The following ECT2L variants were observed in gnomAD, a reference collection of about 807,000 sequenced individuals.
ECT2L encodes epithelial cell-transforming sequence 2 oncogene-like.
ECT2L carries 126 observed loss-of-function variants against 122.8 expected under a neutral mutation model. The ratio of observed to expected loss-of-function variants is 1.03; its 90% CI spans 0.89 to 1.19. The LOEUF (loss-of-function observed/expected upper bound fraction) is 1.19. Ranked by LOEUF, ECT2L falls within the 50% of genes most tolerant of loss-of-function variation. The pLI, the probability that ECT2L is intolerant of heterozygous loss-of-function variation, is 0.00. For synonymous variants in ECT2L, 385 were observed against 381.8 expected (o/e 1.01, Z -0.10); for missense variants, 1,012 against 1,064.1 (o/e 0.95, Z 0.68).
At chr6:138,850,247 C>A in intron 9 of ECT2L, among the ~76,000 whole-genome samples, 1 of 151,974 alleles carries the variant, frequency 6.6e-6, no homozygotes, top group East Asian at 1.9e-4. Flanking sequence ...GGGGTTCAAG[C>A]GATTCTCCTG....
intron 13 of ECT2L, among the ~76,000 whole-genome samples, chr6:138,875,284 C>T (rs2128404424): frequency 6.6e-6 from 1 of 152,354 alleles, no homozygotes; most frequent in East Asian, 1.9e-4. Flanking sequence ...TGCAGGTTTG[C>T]AGACCAGGGT....
chr6:138,877,249 T>C (rs1020547104), intron 14 of ECT2L, among the ~76,000 whole-genome samples: 4 of 152,152 alleles, frequency 2.6e-5, no homozygotes, highest in South Asian at 4.1e-4. Flanking sequence ...CCTGGGGCTC[T>C]TTCCCAGCCC....
rs140385571 is a variant in ECT2L at position 138,844,582 on chromosome 6, T to C, written c.764+2T>C. ...ATCGTTAGAAACCTTGCCCAAGCGG[T>C]AAGCAAAATTCCATCTACTGAAGGC... On this transcript the variant is annotated splice_donor_variant, in intron 7 of 21. Transcript: ENST00000541398. LOFTEE classifies it high-confidence loss of function. 5.3e-5 allele frequency: 86 copies of C among 1,613,772 alleles called. 1 individual carries two copies. In the East Asian group the frequency reaches 1.9e-3, roughly 35 times the overall value.
intron 4 of ECT2L, among the ~76,000 whole-genome samples, chr6:138,819,460 T>C (rs1456462049): frequency 2.6e-5 from 4 of 152,196 alleles, no homozygotes; most frequent in Admixed American, 6.5e-5. Context: ...CCTGACACTA[T>C]GTGACATGCA....
intron 3 of ECT2L, 44 bp from the exon 4 acceptor site, chr6:138,814,447 A>G (rs1435477156): frequency 7.9e-7 from 1 of 1,258,816 alleles, no homozygotes; most frequent in Non-Finnish European, 1.1e-6. Flanking sequence ...ATTAAAAACA[A>G]TGAACTGTAC....
chr6:138,893,034 T>C (rs1779084257), intron 20 of ECT2L, among the ~76,000 whole-genome samples: 4 of 152,160 alleles, frequency 2.6e-5, no homozygotes, highest in Admixed American at 2.0e-4. Context: ...TTATTTTAGC[T>C]GTAATCCCAT....
intron 4 of ECT2L, among the ~76,000 whole-genome samples, chr6:138,829,867 C>A (rs545953061): frequency 6.6e-6 from 1 of 152,034 alleles, no homozygotes; most frequent in Non-Finnish European, 1.5e-5. Flanking sequence ...GGATTACAGG[C>A]GCTCGCCACC....
intron 7 of ECT2L, among the ~76,000 whole-genome samples, chr6:138,846,335 G>A (rs1777218181): frequency 6.6e-6 from 1 of 152,166 alleles, no homozygotes. Context: ...ATGTGGTGGA[G>A]GAGAGGCTCA....
chr6:138,860,146 G>A (rs747053937), intron 10 of ECT2L, among the ~76,000 whole-genome samples: 23 of 151,996 alleles, frequency 1.5e-4, no homozygotes, highest in Non-Finnish European at 2.5e-4. Context: ...TCTGAGTTTC[G>A]ATGACATCAA....
chr6:138,842,185 G>A (rs1183507825), intron 5 of ECT2L, among the ~76,000 whole-genome samples: 2 of 152,202 alleles, frequency 1.3e-5, no homozygotes, highest in African/African-American at 4.8e-5. Context: ...CTGGCCAGGT[G>A]CAGTGGCTTA....
At chr6:138,851,097 CCCA>C (rs1777434028) in intron 9 of ECT2L, among the ~76,000 whole-genome samples, 2 of 151,442 alleles carry the variant, frequency 1.3e-5, no homozygotes, top group Admixed American at 6.6e-5. Context: ...ATTTCATAAT[CCCA>C]CCAACAGTGC....
chr6:138,843,395 A>C (rs1222735376), intron 6 of ECT2L, among the ~76,000 whole-genome samples, 164 bp downstream of exon 6: 1 of 152,198 alleles, frequency 6.6e-6, no homozygotes, highest in Non-Finnish European at 1.5e-5. Flanking sequence ...ATTTCAAGTT[A>C]ATTGATGAGA....
At chr6:138,798,716 G>A (rs1775427672) in intron 1 of ECT2L, among the ~76,000 whole-genome samples, 1 of 152,162 alleles carries the variant, frequency 6.6e-6, no homozygotes, top group African/African-American at 2.4e-5. Context: ...TACATCCGTA[G>A]CAGTTGTTAA....
At chr6:138,815,455 G>A (rs999067632) in intron 4 of ECT2L, among the ~76,000 whole-genome samples, 16 of 152,192 alleles carry the variant, frequency 1.1e-4, no homozygotes, top group Admixed American at 3.3e-4. Context: ...TAGCAGGTAC[G>A]TGGCAGGATG....
At chr6:138,827,370 G>GA (rs554050052) in intron 4 of ECT2L, among the ~76,000 whole-genome samples, 334 of 144,060 alleles carry the variant, frequency 2.3e-3, no homozygotes, top group Non-Finnish European at 3.9e-3. Context: ...ACAAAAAACA[G>GA]AAAAAAAAAA....
At chr6:138,897,403 A>G (rs908166600) in intron 20 of ECT2L, among the ~76,000 whole-genome samples, 1 of 152,238 alleles carries the variant, frequency 6.6e-6, no homozygotes. Flanking sequence ...ATTGTATTAG[A>G]TATCATAAGT....
chr6:138,896,364 T>C (rs767906761), intron 20 of ECT2L, among the ~76,000 whole-genome samples: 1 of 152,100 alleles, frequency 6.6e-6, no homozygotes, highest in Non-Finnish European at 1.5e-5. Context: ...CCCAGGCCAA[T>C]TTTCCTTGGG....
chr6:138,895,034 G>A (rs997169673), intron 20 of ECT2L, among the ~76,000 whole-genome samples: 5 of 152,122 alleles, frequency 3.3e-5, no homozygotes, highest in Admixed American at 2.0e-4. Flanking sequence ...TGAGGTGGGA[G>A]GATCACTTGA....
At chr6:138,814,419 T>C (rs1776001632) in intron 3 of ECT2L, 72 bp from the exon 4 acceptor site, 10 of 926,838 alleles carry the variant, frequency 1.1e-5, no homozygotes, top group Non-Finnish European at 1.7e-5. Flanking sequence ...TGGTAGATTG[T>C]CTAAAGATTG....
Sources: allele counts gnomAD v4.1 joint callset (sites outside exome capture counted in the v4.1 genomes callset), GRCh38; gene constraint gnomAD v4.1.1; transcripts MANE v1.5; gene names NCBI Gene and HGNC (gene_info 2026-07-23, HGNC 2026-07-21).